The following FOXP2 variants were observed in gnomAD, a reference collection of about 807,000 sequenced individuals.
FOXP2 encodes the protein forkhead box P2.
Under a neutral mutation model 115.8 loss-of-function variants are expected in FOXP2, and 12 were observed. The observed-to-expected ratio is 0.10, with a 90% CI of 0.07 to 0.17. The LOEUF (loss-of-function observed/expected upper bound fraction) is 0.17, where lower values mean the gene tolerates loss of function less well. FOXP2 is among the 10% of genes least tolerant of loss of function. The pLI, the probability that FOXP2 is intolerant of heterozygous loss-of-function variation, is 1.00. For missense variants in FOXP2, 629 were observed against 843.5 expected, an observed-to-expected ratio of 0.75 and a Z score of 3.15; for synonymous variants, 328 against 297.7, an observed-to-expected ratio of 1.10 and a Z score of -1.05.
intron 3 of FOXP2, among the ~76,000 whole-genome samples, chr7:114,586,565 GTGT>G (rs1386412409): frequency 2.6e-5 from 4 of 151,842 alleles, no homozygotes; most frequent in South Asian, 2.1e-4. Flanking sequence ...ATCATTTGTA[GTGT>G]TGTTGCTGAA....
At chr7:114,220,014 G>A (rs1215648004) in intron 1 of FOXP2, among the ~76,000 whole-genome samples, 4 of 150,328 alleles carry the variant, frequency 2.7e-5, no homozygotes, top group Admixed American at 1.3e-4. Context: ...CTACAGGCGC[G>A]CACCACCATG....
At chr7:114,230,419 C>T (rs1038030071) in intron 1 of FOXP2, among the ~76,000 whole-genome samples, 1 of 151,744 alleles carries the variant, frequency 6.6e-6, no homozygotes, top group Admixed American at 6.6e-5. Flanking sequence ...AGACACTACA[C>T]AAATGAAAAC....
rs189264173 is a variant in FOXP2 at position 114,610,458 on chromosome 7, G to A, written c.259-18082G>A. Among the ~76,000 whole-genome samples, 11 of 152,122 alleles carry A rather than the reference G, an allele frequency of 7.2e-5. No individual in the cohort carries two copies. The East Asian group carries it at 1.4e-3, about 19-fold the overall frequency. On this transcript the variant is annotated intron_variant, in intron 3 of 16. Transcript: ENST00000350908. The stretch of plus-strand genomic sequence containing the variant: ...TGATGGGAGTGAAGGTAACAGAATC[G>A]TAAGTGAATTTTAAAATATATTTTA...
At chr7:114,462,366 C>CTTTTTTTTT (rs1170387045) in intron 2 of FOXP2, among the ~76,000 whole-genome samples, 2 of 89,286 alleles carry the variant, frequency 2.2e-5, no homozygotes, top group Non-Finnish European at 4.2e-5. Context: ...AGCATAATAT[C>CTTTTTTTTT]TTTTTTTTTT....
intron 2 of FOXP2, among the ~76,000 whole-genome samples, chr7:114,396,502 C>T (rs576056356): frequency 3.3e-5 from 5 of 152,088 alleles, no homozygotes; most frequent in African/African-American, 1.2e-4. Flanking sequence ...TTTCTTTGGG[C>T]TATATATCCA....
intron 1 of FOXP2, among the ~76,000 whole-genome samples, chr7:114,240,229 G>A (rs1472371361): frequency 3.3e-5 from 5 of 152,160 alleles, no homozygotes; most frequent in Non-Finnish European, 5.9e-5. Flanking sequence ...TTGGTTGGGG[G>A]GAGGAAAACC....
intron 1 of FOXP2, among the ~76,000 whole-genome samples, chr7:114,270,728 T>C (rs1796013946): frequency 1.3e-5 from 2 of 152,146 alleles, no homozygotes; most frequent in South Asian, 4.1e-4. Context: ...ATTAAATGTG[T>C]CTGTTGCACA....
In FOXP2 at chr7:114,384,785, A is replaced by G. The variant is rs550453459; in HGVS notation, c.-10-41717A>G. 3.3e-5 allele frequency among the ~76,000 whole-genome samples: 5 copies of G among 151,792 alleles called. No homozygotes were observed. In the South Asian group the frequency reaches 1.1e-3, roughly 32 times the overall value. On this transcript the variant is annotated intron_variant, in intron 2 of 17. Transcript: ENST00000634411. ...AACTCTGAACTGGTGAGGTGCGCTC[A>G]CAACGAGGTTTCCTCTAAAAGTTAC... is the stretch of plus-strand genomic sequence containing the variant.
chr7:114,657,726 T>C (rs1806663280), intron 10 of FOXP2, among the ~76,000 whole-genome samples: 1 of 152,156 alleles, frequency 6.6e-6, no homozygotes, highest in African/African-American at 2.4e-5. Flanking sequence ...TTGTTGTTGC[T>C]TCACTGGGGG....
rs141574816 is a variant in FOXP2 at position 114,597,477 on chromosome 7, A to G, written c.259-31063A>G. Among the ~76,000 whole-genome samples the G allele has an allele frequency of 1.6e-3, 250 of 152,246 alleles. 1 individual carries two copies. Among genetic ancestry groups the G allele is most frequent in the Admixed American group, 2.6e-3 (40 of 15,252 alleles). ...CTTCTTTGCCAATTCATTAGGCTGT[A>G]TCATTACAAACAGATAATCTTATGC... On this transcript the variant is annotated intron_variant, in intron 3 of 16. Transcript: ENST00000350908.
At chr7:114,109,553 A>T (rs1791212523) in intron 1 of FOXP2, among the ~76,000 whole-genome samples, 1 of 152,124 alleles carries the variant, frequency 6.6e-6, no homozygotes. Flanking sequence ...TAGATGAGTC[A>T]TCTAAATTTT....
chr7:114,505,004 AT>A (rs1422783268), intron 2 of FOXP2, among the ~76,000 whole-genome samples: 2 of 151,642 alleles, frequency 1.3e-5, no homozygotes, highest in Non-Finnish European at 3.0e-5. Flanking sequence ...TGTTTTAACT[AT>A]TAGTTGGTTA....
At chr7:114,521,761 T>TAAAG (rs34948690) in intron 2 of FOXP2, among the ~76,000 whole-genome samples, 99,041 of 151,296 alleles carry the variant, frequency 0.65, 33,305 homozygotes, top group African/African-American at 0.81. Context: ...TTTAACTTGA[T>TAAAG]GAAAAGAAAT....
intron 1 of FOXP2, among the ~76,000 whole-genome samples, chr7:114,111,040 G>T (rs1173267014): frequency 1.3e-5 from 2 of 152,076 alleles, no homozygotes; most frequent in Non-Finnish European, 2.9e-5. Context: ...ATAATAACAT[G>T]ATTTAAGTAT....
rs566178641 is a variant in FOXP2 at position 114,600,107 on chromosome 7, A to G, written c.259-28433A>G. 7.9e-5 allele frequency among the ~76,000 whole-genome samples: 12 copies of G among 152,280 alleles called. No individual in the cohort carries two copies. The South Asian group carries it at 1.2e-3, about 16-fold the overall frequency. On this transcript the variant is annotated intron_variant, in intron 3 of 16. Transcript: ENST00000350908. ...TCTATAGTTTTTGACAAAAGCATAA[A>G]TTCATATATCTACCATTACAGGTAG...
In FOXP2 at chr7:114,610,583, A is replaced by G. The variant is rs530995001; in HGVS notation, c.259-17957A>G. 2.6e-3 allele frequency among the ~76,000 whole-genome samples: 402 copies of G among 152,238 alleles called. 4 individuals are homozygous for G. Among genetic ancestry groups the G allele is most frequent in the African/African-American group, 9.3e-3 (387 of 41,564 alleles). ...TTGTAAACTTTTTCTACAATTAACT[A>G]TGTTATATATGTAGTCAGTAAACCT... On this transcript the variant is annotated intron_variant, in intron 3 of 16. Transcript: ENST00000350908.
chr7:114,205,945 C>G (rs1211619010), intron 1 of FOXP2, among the ~76,000 whole-genome samples: 1 of 152,168 alleles, frequency 6.6e-6, no homozygotes, highest in Non-Finnish European at 1.5e-5. Flanking sequence ...AGTTAGAACC[C>G]ATGGCCAAGC....
At chr7:114,119,204 T>C (rs750226404) in intron 1 of FOXP2, among the ~76,000 whole-genome samples, 1 of 152,110 alleles carries the variant, frequency 6.6e-6, no homozygotes, top group Non-Finnish European at 1.5e-5. Context: ...CTGCTGAGTA[T>C]TCTAATATTC....
chr7:114,094,821 C>T (rs1799610038), intron 1 of FOXP2, among the ~76,000 whole-genome samples: 1 of 152,016 alleles, frequency 6.6e-6, no homozygotes, highest in East Asian at 1.9e-4. Context: ...CATCAAGCCT[C>T]ACTAAATTTT....
Sources: gnomAD v4.1 joint callset for allele counts (sites outside exome capture counted in the v4.1 genomes callset) on GRCh38, gnomAD v4.1.1 for gene constraint, MANE v1.5 for transcripts, NCBI Gene and HGNC (gene_info 2026-07-23, HGNC 2026-07-21) for gene names.